The following TRAPPC9 variants were observed in gnomAD, a reference collection of about 807,000 sequenced individuals.
TRAPPC9 encodes the protein IKK2 binding protein.
A neutral mutation model predicts 124.0 loss-of-function variants in TRAPPC9; 83 were observed. The observed-to-expected ratio is 0.67, with a 90% CI of 0.56 to 0.80. The LOEUF (loss-of-function observed/expected upper bound fraction) is 0.80. Among genes scored for constraint, TRAPPC9 ranks in the 30% least tolerant of loss-of-function variants. The pLI, the probability that TRAPPC9 is intolerant of heterozygous loss-of-function variation, is 0.00. For missense variants in TRAPPC9, 1,302 were observed against 1,508.3 expected, an observed-to-expected ratio of 0.86 and a Z score of 2.27; for synonymous variants, 638 against 617.5, an observed-to-expected ratio of 1.03 and a Z score of -0.49.
chr8:140,141,760 T>A (rs2061384997), intron 17 of TRAPPC9, among the ~76,000 whole-genome samples: 1 of 152,188 alleles, frequency 6.6e-6, no homozygotes, highest in Non-Finnish European at 1.5e-5. Context: ...ATATTCAAAA[T>A]CAAAAGATGA....
chr8:140,000,761 G>A (rs983286956), intron 18 of TRAPPC9, among the ~76,000 whole-genome samples: 5 of 150,812 alleles, frequency 3.3e-5, no homozygotes, highest in African/African-American at 1.2e-4. Flanking sequence ...TGGAGAAATA[G>A]GAATGCTTTT....
rs540463399 is a variant in TRAPPC9, at chr8:140,069,789, G to A, written c.2557-45710C>T. 1.5e-4 allele frequency among the ~76,000 whole-genome samples: 23 copies of A among 152,282 alleles called. No homozygotes were observed. In the East Asian group the frequency reaches 4.3e-3, roughly 28 times the overall value. ...TGCAAGCTGGAGAACCAGAGGAGCT[G>A]CAGGTCCGAAAGCCTCAAAGCCAGT... On this transcript the variant is annotated intron_variant, in intron 17 of 22. Transcript: ENST00000438773.
intron 17 of TRAPPC9, among the ~76,000 whole-genome samples, chr8:140,125,974 G>A (rs759063202): frequency 2.6e-5 from 4 of 151,982 alleles, no homozygotes; most frequent in South Asian, 2.1e-4. Context: ...TAATTTCACC[G>A]TGTTAGCCAG....
chr8:140,005,185 G>C (rs931023639), intron 18 of TRAPPC9, among the ~76,000 whole-genome samples: 2 of 152,130 alleles, frequency 1.3e-5, no homozygotes, highest in African/African-American at 4.8e-5. Flanking sequence ...TACCAGATCA[G>C]GGTTTCTGAA....
intron 17 of TRAPPC9, among the ~76,000 whole-genome samples, chr8:140,082,584 T>C (rs12542612): frequency 0.63 from 95,922 of 152,070 alleles, 30,410 homozygotes; most frequent in Middle Eastern, 0.73. Flanking sequence ...GGAATATAAA[T>C]GACTGAATTT....
intron 17 of TRAPPC9, among the ~76,000 whole-genome samples, chr8:140,204,729 A>T (rs2062881131): frequency 6.6e-6 from 1 of 152,206 alleles, no homozygotes. Flanking sequence ...TGAGGTCCTC[A>T]CCAGAAGCAG....
In TRAPPC9 at chr8:140,013,684, C is replaced by T. The variant is rs559892451; in HGVS notation, c.2699+10253G>A. Reference sequence around the variant, plus strand: ...GCCTGTGTTTACAAGACTGGCTCATCCCTTTGTCCCTAGAACCTGACACAC... The same window carrying T: ...GCCTGTGTTTACAAGACTGGCTCATTCCTTTGTCCCTAGAACCTGACACAC... On this transcript the variant is annotated intron_variant, in intron 18 of 22. Transcript: ENST00000438773. Among the ~76,000 whole-genome samples the T allele has an allele frequency of 8.5e-5, 13 of 152,308 alleles. No homozygotes were observed. The South Asian group carries it at 2.7e-3, about 32-fold the overall frequency.
intron 17 of TRAPPC9, among the ~76,000 whole-genome samples, chr8:140,128,031 T>A (rs753991007): frequency 3.3e-5 from 5 of 152,262 alleles, no homozygotes; most frequent in Admixed American, 6.5e-5. Flanking sequence ...AAATGATTCA[T>A]GGTGAAGAGC....
intron 2 of TRAPPC9, among the ~76,000 whole-genome samples, 160 bp downstream of exon 2, chr8:140,450,630 G>C (rs1444227600): frequency 6.6e-6 from 1 of 152,090 alleles, no homozygotes; most frequent in East Asian, 1.9e-4. Context: ...TGTTTGGTTG[G>C]TTTTTTTAGC....
chr8:140,271,267 A>C (rs1252470750), intron 15 of TRAPPC9, among the ~76,000 whole-genome samples: 1 of 152,228 alleles, frequency 6.6e-6, no homozygotes, highest in Non-Finnish European at 1.5e-5. Context: ...GGAAAGCATG[A>C]AATTAAGGTA....
intron 18 of TRAPPC9, among the ~76,000 whole-genome samples, chr8:140,020,459 C>T (rs1272278399): frequency 1.3e-5 from 2 of 152,142 alleles, no homozygotes; most frequent in East Asian, 3.9e-4. Context: ...GACCCCATCT[C>T]TACCAAAAGT....
rs1196750170 is a variant in TRAPPC9 at position 139,776,977 on chromosome 8, G to A, written c.3056-44775C>T. On this transcript the variant is annotated intron_variant, in intron 21 of 22. Coordinates refer to ENST00000438773, the MANE Select transcript of TRAPPC9 (RefSeq NM_001160372.4). The surrounding 1 kb of genome is among the most constrained non-coding windows in gnomAD (Gnocchi z 4.1). The stretch of plus-strand genomic sequence containing the variant: ...CCAGCTTGCCTGTAACCCCTGCAGA[G>A]TCATTCTTGAACTAGCCCCAAACAC... Among the ~76,000 whole-genome samples the A allele has an allele frequency of 6.6e-6, 1 of 152,150 alleles. No individual in the cohort carries two copies. The highest frequency in any genetic ancestry group is 2.4e-5 in the African/African-American group (1 of 41,444).
intron 7 of TRAPPC9, 106 bp from the exon 8 acceptor site, chr8:140,371,286 C>T (rs1304090689): frequency 1.0e-5 from 12 of 1,200,588 alleles, no homozygotes; most frequent in Middle Eastern, 2.4e-4. Flanking sequence ...TGAGGAGAAT[C>T]GAGGAGAATC....
At chr8:140,235,159 G>A (rs1056431910) in intron 16 of TRAPPC9, among the ~76,000 whole-genome samples, 1 of 152,122 alleles carries the variant, frequency 6.6e-6, no homozygotes, top group Non-Finnish European at 1.5e-5. Context: ...TTTTAGTAGA[G>A]ATAGGGTTTC....
At chr8:139,970,235 G>A (rs1229713372) in intron 19 of TRAPPC9, among the ~76,000 whole-genome samples, 1 of 152,242 alleles carries the variant, frequency 6.6e-6, no homozygotes, top group Non-Finnish European at 1.5e-5. Flanking sequence ...TCCCAGCTCT[G>A]CCGCCTGACG....
chr8:140,360,607 G>A (rs2067920646), intron 8 of TRAPPC9, among the ~76,000 whole-genome samples: 1 of 148,872 alleles, frequency 6.7e-6, no homozygotes. Context: ...TAAAATATAA[G>A]AAAAATGAAG....
At chr8:140,436,363 A>C in intron 3 of TRAPPC9, among the ~76,000 whole-genome samples, 1 of 152,356 alleles carries the variant, frequency 6.6e-6, no homozygotes, top group South Asian at 2.1e-4. Flanking sequence ...AAAATAAAAA[A>C]TAAAATAATA....
At chr8:140,161,226 C>T (rs998359420) in intron 17 of TRAPPC9, among the ~76,000 whole-genome samples, 4 of 152,122 alleles carry the variant, frequency 2.6e-5, no homozygotes, top group Non-Finnish European at 4.4e-5. Context: ...CTCGCATACA[C>T]ACAACACTCG....
Position 139,788,989 on chromosome 8 carries a change from C to T in TRAPPC9, c.3056-56787G>A, listed in dbSNP as rs1036716876. On this transcript the variant is annotated intron_variant, in intron 21 of 22. Transcript: ENST00000438773. The surrounding 1 kb of genome is among the most constrained non-coding windows in gnomAD (Gnocchi z 4.9). ...AAAACACTGAATTCTTTCTGAGAAA[C>T]ATTCTATCCATGAAGATGCAAACAA... Among the ~76,000 whole-genome samples, 1 of 152,230 alleles carries T rather than the reference C, an allele frequency of 6.6e-6. No homozygotes were observed. The highest frequency in any genetic ancestry group is 1.5e-5 in the Non-Finnish European group (1 of 68,032).
Sources: allele counts gnomAD v4.1 joint callset (sites outside exome capture counted in the v4.1 genomes callset), GRCh38; gene constraint gnomAD v4.1.1; non-coding constraint Gnocchi (gnomAD v3.1); transcripts MANE v1.5; gene names NCBI Gene and HGNC (gene_info 2026-07-23, HGNC 2026-07-21).